The following POLR3E variants were observed in gnomAD, a reference collection of about 807,000 sequenced individuals.
POLR3E encodes the protein RNA polymerase III subunit E, also known as DNA-directed RNA polymerase III subunit RPC5.
Under a neutral mutation model 96.6 loss-of-function variants are expected in POLR3E, and 41 were observed. The observed-to-expected ratio is 0.42, with a 90% confidence interval of 0.33 to 0.55. The LOEUF is 0.55. POLR3E is among the 20% of genes least tolerant of loss of function. The probability of loss-of-function intolerance (pLI) is 0.06; values close to 1 mark genes in which losing one functional copy is unlikely to be tolerated. For synonymous variants in POLR3E, 396 were observed against 383.6 expected (o/e 1.03, Z -0.38); for missense variants, 849 against 952.1 (o/e 0.89, Z 1.43).
rs2048796575 is a variant in POLR3E at position 22,333,900 on chromosome 16, C to T, written c.*200C>T. ...GTCAGCTTAAGTTAGTTAGATCACT[C>T]CCAGAAGAGACCAGCTGGGACCTTC... On this transcript the variant is annotated 3_prime_UTR_variant, in exon 21 of 21. Coordinates refer to ENST00000299853, the MANE Select transcript of POLR3E (RefSeq NM_018119.4). 2.1e-6 allele frequency: 1 copy of T among 485,422 alleles called. No individual in the cohort carries two copies. The highest frequency in any genetic ancestry group is 3.7e-6 in the Non-Finnish European group (1 of 270,506). The allele number at this position is 485,422 out of a possible 1,614,324, so 30.1% of individuals were successfully genotyped here.
At chr16:22,324,979 A>C (rs565897818) in intron 16 of POLR3E, among the ~76,000 whole-genome samples, 2 of 151,858 alleles carry the variant, frequency 1.3e-5, no homozygotes, top group East Asian at 3.9e-4. Flanking sequence ...CAGGAGCAAG[A>C]GCTGGGGCCT....
chr16:22,301,663 C>T (rs899011775), intron 1 of POLR3E, among the ~76,000 whole-genome samples: 7 of 151,188 alleles, frequency 4.6e-5, no homozygotes, highest in Non-Finnish European at 7.4e-5. Flanking sequence ...CAGTGGCTCA[C>T]GCCTGTAATC....
chr16:22,298,230 TC>T (rs1264990553), intron 1 of POLR3E, among the ~76,000 whole-genome samples: 1 of 152,194 alleles, frequency 6.6e-6, no homozygotes, highest in Non-Finnish European at 1.5e-5. Context: ...CTTAGCGATC[TC>T]CACAGTTTCC....
rs2048494638 is a variant in POLR3E at position 22,322,708 on chromosome 16, G to C, written c.987-142G>C. On this transcript the variant is annotated intron_variant, in intron 13 of 20. Coordinates refer to ENST00000299853, the MANE Select transcript of POLR3E (RefSeq NM_018119.4). This position sits in a 1 kb window ranked among gnomAD's most constrained non-coding sequence, Gnocchi z 5.2. The stretch of plus-strand genomic sequence containing the variant: ...TCCCATGTCTGTGTTCACAGATGTG[G>C]CTCCTAAGGGGAGGTCTTGGGGCTC... 1 of 606,692 alleles carries C rather than the reference G, an allele frequency of 1.6e-6. No homozygotes were observed. Among genetic ancestry groups the C allele is most frequent in the African/African-American group, 1.8e-5 (1 of 54,264 alleles). 37.6% of individuals were successfully genotyped at this position (606,692 alleles called of 1,614,324 possible). A position where few individuals can be genotyped will look rare whatever the true frequency, so the allele number is the denominator to read the frequency against.
At chr16:22,307,038 A>T (rs1315991134) in intron 3 of POLR3E, among the ~76,000 whole-genome samples, 1 of 152,114 alleles carries the variant, frequency 6.6e-6, no homozygotes, top group African/African-American at 2.4e-5. Flanking sequence ...CTGCAAAGTG[A>T]TGGTGGAGGT....
rs1282205389 is a variant in POLR3E, at chr16:22,316,655, G to T, written c.697G>T (p.Val233Leu). The T allele has an allele frequency of 6.2e-7, 1 of 1,614,096 alleles. No individual in the cohort carries two copies. Among genetic ancestry groups the T allele is most frequent in the Non-Finnish European group, 8.5e-7 (1 of 1,179,962 alleles). The change falls in exon 10 of 21, where the codon GTG becomes TTG. Residue 233 changes from valine to leucine, a missense_variant. Coordinates refer to ENST00000299853, the MANE Select transcript of POLR3E (RefSeq NM_018119.4). Reference protein sequence around the residue: ...QYLLCPGSSGVENTELVKSPS... With the variant: ...QYLLCPGSSGLENTELVKSPS... ...CCTGCTGTGCCCCGGCTCAAGCGGG[G>T]TGGAGAACACGGAGCTCGTCAAGTC... is the stretch of plus-strand genomic sequence containing the variant.
intron 3 of POLR3E, among the ~76,000 whole-genome samples, chr16:22,306,573 T>C (rs766216391): frequency 2.0e-5 from 3 of 152,222 alleles, no homozygotes; most frequent in Admixed American, 6.5e-5. Flanking sequence ...CTTTTACTGA[T>C]GAATAATGTT....
chr16:22,332,159 A>C lies in POLR3E; in HGVS notation c.2044A>C (p.Lys682Gln), dbSNP rs144564107. ...LTQECGEDLS[K>Q]QEVDKVLKDC... ...TCAAGAGTGTGGAGAAGATCTCAGT[A>C]AACAGGAGGTGGATAAAGTACTAAA... is the stretch of plus-strand genomic sequence containing the variant. The change falls in exon 20 of 21, where the codon AAA becomes CAA. Residue 682 changes from lysine (K) to glutamine (Q), a missense_variant. Lys to Gln is a moderately conservative substitution (Grantham distance 53). Transcript: ENST00000299853. 2 of 1,613,526 alleles carry C rather than the reference A, an allele frequency of 1.2e-6. No individual in the cohort carries two copies. The highest frequency in any genetic ancestry group is 2.2e-5 in the East Asian group (1 of 44,882).
At chr16:22,319,406 T>G (rs972394147) in intron 13 of POLR3E, among the ~76,000 whole-genome samples, 6 of 143,772 alleles carry the variant, frequency 4.2e-5, no homozygotes, top group South Asian at 2.2e-4. Context: ...TGTTTTTTTG[T>G]TTTTTTTTTT....
chr16:22,333,627 C>CTGTT lies in POLR3E; in HGVS notation c.2071-15_2071-12dup. On this transcript the variant is annotated splice_polypyrimidine_tract_variant and intron_variant, in intron 20 of 20. Transcript: ENST00000299853. ...TTTCCTGCAAAAATCTGTGCTTACC[C>CTGTT]TGTTTCTCTCTCATAGGACTGCTGT... is the stretch of plus-strand genomic sequence containing the variant. The CTGTT allele has an allele frequency of 3.8e-6, 6 of 1,595,934 alleles. No homozygotes were observed. The highest frequency in any genetic ancestry group is 5.2e-6 in the Non-Finnish European group (6 of 1,163,460).
At chr16:22,304,438 C>T (rs981676801) in intron 2 of POLR3E, among the ~76,000 whole-genome samples, 4 of 152,178 alleles carry the variant, frequency 2.6e-5, no homozygotes, top group African/African-American at 7.2e-5. Flanking sequence ...GTCCAAGGGA[C>T]TCCGAGGACA....
At chr16:22,321,338 C>T (rs780043366) in intron 13 of POLR3E, among the ~76,000 whole-genome samples, 2 of 152,224 alleles carry the variant, frequency 1.3e-5, no homozygotes, top group East Asian at 3.8e-4. Context: ...AAATGTTGAA[C>T]ATTTTAAGAA....
intron 16 of POLR3E, 135 bp downstream of exon 16, chr16:22,324,795 G>T: frequency 2.1e-6 from 2 of 966,438 alleles, no homozygotes; most frequent in South Asian, 2.9e-5. Context: ...CTGGATCTGG[G>T]TGTGAAGGGC....
At chr16:22,309,085 C>T in intron 5 of POLR3E, 45 bp downstream of exon 5, 1 of 1,351,914 alleles carries the variant, frequency 7.4e-7, no homozygotes, top group Non-Finnish European at 1.1e-6. Flanking sequence ...TGCGTTCACA[C>T]AGGAGCCTCC....
At chr16:22,320,554 C>T (rs1010364909) in intron 13 of POLR3E, among the ~76,000 whole-genome samples, 6 of 152,184 alleles carry the variant, frequency 3.9e-5, no homozygotes, top group South Asian at 2.1e-4. Context: ...AGCTACCGTG[C>T]CCGGCCTGGT....
Position 22,309,514 on chromosome 16 carries a change from C to T in POLR3E, c.364+4C>T. On this transcript the variant is annotated splice_donor_region_variant and intron_variant, in intron 6 of 20. Transcript: ENST00000299853. Reference sequence around the variant, plus strand: ...GCCGCTGCACTCTACAGGCAAGGTACCCGGGGCTGGGTGTCCCGCGGTGGG... The same window carrying T: ...GCCGCTGCACTCTACAGGCAAGGTATCCGGGGCTGGGTGTCCCGCGGTGGG... 6.2e-7 allele frequency: 1 copy of T among 1,610,776 alleles called. No homozygotes were observed. The highest frequency in any genetic ancestry group is 1.1e-5 in the South Asian group (1 of 91,032).
In POLR3E at chr16:22,320,512, C is replaced by T. The variant is rs541469031; in HGVS notation, c.986+1566C>T. Among the ~76,000 whole-genome samples the T allele has an allele frequency of 1.0e-3, 153 of 152,288 alleles. 1 individual carries two copies. Among genetic ancestry groups the T allele is most frequent in the African/African-American group, 3.2e-3 (133 of 41,560 alleles). ...CTGACCTCAGGTGATGCACCCATCT[C>T]GGCCTCCCAAAGTGCTGGGATTACA... On this transcript the variant is annotated intron_variant, in intron 13 of 20. Transcript: ENST00000299853.
intron 18 of POLR3E, chr16:22,327,609 A>G (rs904993467): frequency 6.6e-6 from 1 of 152,194 alleles, no homozygotes; most frequent in African/African-American, 2.4e-5. Context: ...CCTGACAAGG[A>G]GACTGTATTG....
intron 17 of POLR3E, 138 bp downstream of exon 17, chr16:22,325,404 T>G (rs2048559347): frequency 1.3e-6 from 1 of 756,486 alleles, no homozygotes. Flanking sequence ...CTCCTTCCTT[T>G]CCTGCCACCC....
Sources: allele counts gnomAD v4.1 joint callset (sites outside exome capture counted in the v4.1 genomes callset), GRCh38; gene constraint gnomAD v4.1.1; non-coding constraint Gnocchi (gnomAD v3.1); transcripts MANE v1.5; gene names NCBI Gene and HGNC (gene_info 2026-07-23, HGNC 2026-07-21).